The following MCFD2 variants were observed in gnomAD, a reference collection of about 807,000 sequenced individuals.
MCFD2 encodes the protein multiple coagulation factor deficiency protein 2.
A neutral mutation model predicts 12.8 loss-of-function variants in MCFD2; 11 were observed. That is an observed-to-expected ratio of 0.86 (90% CI 0.54 to 1.42). MCFD2 has a LOEUF of 1.42. Among genes scored for constraint, MCFD2 ranks in the 40% most tolerant of loss-of-function variants. The pLI is 0.00. For missense variants in MCFD2, 191 were observed against 178.6 expected, an observed-to-expected ratio of 1.07 and a Z score of -0.40; for synonymous variants, 70 against 68.1, an observed-to-expected ratio of 1.03 and a Z score of -0.14.
intron 1 of MCFD2, chr2:46,912,429 G>C (rs6759170): frequency 0.086 from 13,161 of 152,290 alleles, 1,081 homozygotes; most frequent in African/African-American, 0.21. Context: ...TCCTAGCAGT[G>C]ACTGCCTAGG....
At chr2:46,923,225 G>A (rs7575039) in intron 1 of MCFD2, among the ~76,000 whole-genome samples, 103,555 of 152,068 alleles carry the variant, frequency 0.68, 36,520 homozygotes, top group African/African-American at 0.85. Context: ...CATAGGCACA[G>A]TTGACCAAAC....
intron 1 of MCFD2, among the ~76,000 whole-genome samples, chr2:46,939,271 T>C (rs13392448): frequency 0.17 from 26,218 of 151,462 alleles, 2,716 homozygotes; most frequent in African/African-American, 0.29. Context: ...AGGAATAAAA[T>C]TGGCCAGGCG....
chr2:46,907,706 C>A lies in MCFD2; in HGVS notation c.309+104G>T, dbSNP rs948943915. On this transcript the variant is annotated intron_variant, in intron 3 of 3. Coordinates refer to ENST00000319466, the MANE Select transcript of MCFD2 (RefSeq NM_139279.6). This position sits in a 1 kb window ranked among gnomAD's most constrained non-coding sequence, Gnocchi z 4.1. ...GCCATCATGCCCAGTGGAGAAGCAG[C>A]ACTCTTGGCACATAAGGACAACACA... The A allele has an allele frequency of 8.8e-6, 11 of 1,245,466 alleles. No individual in the cohort carries two copies. The highest frequency in any genetic ancestry group is 1.3e-5 in the Non-Finnish European group (11 of 856,882). The allele number at this position is 1,245,466 out of a possible 1,614,324, so 77.2% of individuals were successfully genotyped here. A position where few individuals can be genotyped will look rare whatever the true frequency, so the allele number is the denominator to read the frequency against.
chr2:46,917,264 C>G (rs758465679), upstream of MCFD2: 2 of 697,554 alleles, frequency 2.9e-6, no homozygotes, highest in South Asian at 3.0e-5. Flanking sequence ...TCCCAAAGTG[C>G]TGGGATTACA....
rs1304048981 is a variant in MCFD2, at chr2:46,907,846, T to G, written c.273A>C (p.Leu91Phe). 2 of 1,614,104 alleles carry G rather than the reference T, an allele frequency of 1.2e-6. No individual in the cohort carries two copies. Among genetic ancestry groups the G allele is most frequent in the Non-Finnish European group, 1.7e-6 (2 of 1,180,038 alleles). The stretch of plus-strand genomic sequence containing the variant: ...CATGAGTGATGGCTGTGGAGAGTTC[T>G]AAGCCATCAAGCAAATTATTGCCAT... ...DYDGNNLLDG[L>F]ELSTAITHVH... Residue 91 changes from leucine (L) to phenylalanine (F), a missense_variant, in exon 3 of 4, where the codon TTA (leucine) becomes TTC (phenylalanine). By Grantham distance (22) the Leu-to-Phe change is conservative. Transcript: ENST00000319466. This position sits in a 1 kb window ranked among gnomAD's most constrained non-coding sequence, Gnocchi z 4.1.
In MCFD2 at chr2:46,941,669, G is replaced by A; in HGVS notation, c.-105C>T. 1 of 1,551,878 alleles carries A rather than the reference G, an allele frequency of 6.4e-7. No individual in the cohort carries two copies. The highest frequency in any genetic ancestry group is 8.7e-7 in the Non-Finnish European group (1 of 1,148,012). On this transcript the variant is annotated 5_prime_UTR_variant, in exon 1 of 3. Transcript: ENST00000409147. The surrounding 1 kb of genome is among the most constrained non-coding windows in gnomAD (Gnocchi z 4.2). ...CAGCTGCAGACGCTGAGCATGCCCG[G>A]CGGCGGAGGTAACAGGCGAGGCAGC...
At chr2:46,929,892 C>G (rs531973203) in intron 1 of MCFD2, among the ~76,000 whole-genome samples, 27 of 152,162 alleles carry the variant, frequency 1.8e-4, no homozygotes, top group Non-Finnish European at 4.0e-4. Context: ...ATATGGTTCA[C>G]CATATCATCT....
intron 1 of MCFD2, chr2:46,913,662 G>A (rs1668575298): frequency 6.6e-6 from 1 of 152,356 alleles, no homozygotes; most frequent in African/African-American, 2.4e-5. Flanking sequence ...CAACGGAGGA[G>A]AAATTTCTGC....
At position 46,908,271 on chromosome 2, in the gene MCFD2, T is replaced by A; in HGVS notation, c.150-302A>T. 2.5e-6 allele frequency: 1 copy of A among 393,008 alleles called. No individual in the cohort carries two copies. The highest frequency in any genetic ancestry group is 2.2e-5 in the South Asian group (1 of 45,086). The allele number at this position is 393,008 out of a possible 1,614,324, so 24.3% of individuals were successfully genotyped here. A position where few individuals can be genotyped will look rare whatever the true frequency, so the allele number is the denominator to read the frequency against. On this transcript the variant is annotated intron_variant, in intron 2 of 3. Coordinates refer to ENST00000319466, the MANE Select transcript of MCFD2 (RefSeq NM_139279.6). This position sits in a 1 kb window ranked among gnomAD's most constrained non-coding sequence, Gnocchi z 4.5. ...AAAATATGTCCTTTAAAACTTTTTT[T>A]TTTTTTTGAGACAGGGTCTCACTCT...
Position 46,940,153 on chromosome 2 carries a change from C to T in MCFD2, c.-8+1419G>A. ...CTATGCACTAGGAGCCTGGGTTCTG[C>T]TTGACATAAAAACCTTCCCTCGGTT... On this transcript the variant is annotated intron_variant, in intron 1 of 2. Coordinates refer to the MCFD2 transcript ENST00000409147. This position sits in a 1 kb window ranked among gnomAD's most constrained non-coding sequence, Gnocchi z 4.7. Among the ~76,000 whole-genome samples, 1 of 151,976 alleles carries T rather than the reference C, an allele frequency of 6.6e-6. No homozygotes were observed. Among genetic ancestry groups the T allele is most frequent in the East Asian group, 1.9e-4 (1 of 5,152 alleles).
intron 3 of MCFD2, chr2:46,906,001 T>A: frequency 2.1e-6 from 1 of 472,024 alleles, no homozygotes; most frequent in Non-Finnish European, 4.4e-6. Flanking sequence ...ATAGAAACAG[T>A]GACGAATTGG....
upstream of MCFD2, among the ~76,000 whole-genome samples, chr2:46,918,380 G>A (rs1203656437): frequency 8.5e-5 from 13 of 152,294 alleles, no homozygotes; most frequent in Admixed American, 7.8e-4. Context: ...ATCTAGTCCA[G>A]TAGTAGATGA....
chr2:46,915,806 G>GGGGGGGGGGCGC, upstream of MCFD2: 1 of 512,582 alleles, frequency 2.0e-6, no homozygotes, highest in Non-Finnish European at 2.1e-6. Flanking sequence ...CCTCGGCTTC[G>GGGGGGGGGGCGC]CCCCGCCCCC....
intron 1 of MCFD2, among the ~76,000 whole-genome samples, chr2:46,932,509 A>C (rs1338435207): frequency 6.6e-6 from 1 of 152,202 alleles, no homozygotes; most frequent in Admixed American, 6.5e-5. Context: ...TAATGATTAC[A>C]TCTATGCACT....
At chr2:46,917,250 C>G (rs1251724744), upstream of MCFD2, 1 of 695,440 alleles carries the variant, frequency 1.4e-6, no homozygotes. Flanking sequence ...CCACCACCTC[C>G]GCCTCCCAAA....
chr2:46,908,287 G>A lies in MCFD2; in HGVS notation c.150-318C>T. ...AACTTTTTTTTTTTTTTGAGACAGG[G>A]TCTCACTCTGCCACCCAGGCTGGAG... On this transcript the variant is annotated intron_variant, in intron 2 of 3. Transcript: ENST00000319466. This position sits in a 1 kb window ranked among gnomAD's most constrained non-coding sequence, Gnocchi z 4.5. 1 of 369,052 alleles carries A rather than the reference G, an allele frequency of 2.7e-6. No individual in the cohort carries two copies. The highest frequency in any genetic ancestry group is 2.2e-5 in the South Asian group (1 of 44,968). The allele number at this position is 369,052 out of a possible 1,614,324, so 22.9% of individuals were successfully genotyped here.
At chr2:46,917,968 T>C (rs537815807), upstream of MCFD2, among the ~76,000 whole-genome samples, 4 of 152,362 alleles carry the variant, frequency 2.6e-5, no homozygotes, top group East Asian at 7.7e-4. Flanking sequence ...CTGAGTCACC[T>C]TCTCTATCCA....
Position 46,915,719 on chromosome 2 carries a change from T to C in MCFD2, c.-7+4A>G. 5 of 968,572 alleles carry C rather than the reference T, an allele frequency of 5.2e-6. No homozygotes were observed. The highest frequency in any genetic ancestry group is 6.1e-6 in the Non-Finnish European group (5 of 816,018). The allele number at this position is 968,572 out of a possible 1,614,324, so 60.0% of individuals were successfully genotyped here. On this transcript the variant is annotated splice_donor_region_variant and intron_variant, in intron 1 of 3. Coordinates refer to ENST00000319466, the MANE Select transcript of MCFD2 (RefSeq NM_139279.6). ...CGCTGCGGAGAGTGCGCTAGTTCACTCACCCTTACGGTCTCCGAAGCAGAC... is the reference window on the plus strand; with the variant it reads ...CGCTGCGGAGAGTGCGCTAGTTCACCCACCCTTACGGTCTCCGAAGCAGAC...
At chr2:46,914,573 C>T (rs1379754487) in intron 1 of MCFD2, among the ~76,000 whole-genome samples, 1 of 152,138 alleles carries the variant, frequency 6.6e-6, no homozygotes, top group Non-Finnish European at 1.5e-5. Flanking sequence ...CCAAGGAGCA[C>T]CCATGCTGCA....
Sources: allele counts gnomAD v4.1 joint callset (sites outside exome capture counted in the v4.1 genomes callset), GRCh38; gene constraint gnomAD v4.1.1; non-coding constraint Gnocchi (gnomAD v3.1); transcripts MANE v1.5; gene names NCBI Gene and HGNC (gene_info 2026-07-23, HGNC 2026-07-21).